ZC2HC1A: variants seen among roughly 807,000 people sequenced by gnomAD.
ZC2HC1A encodes the protein zinc finger C2HC domain-containing protein 1A.
In ZC2HC1A, 28 loss-of-function variants were observed where a neutral mutation model predicts 40.7. The observed-to-expected ratio is 0.69, with a 90% CI of 0.51 to 0.94. ZC2HC1A has a LOEUF of 0.94. Ranked by LOEUF, ZC2HC1A falls within the 40% of genes least tolerant of loss-of-function variation. ZC2HC1A has a pLI of 0.00. For missense variants in ZC2HC1A, 389 were observed against 386.3 expected, an observed-to-expected ratio of 1.01 and a Z score of -0.06; for synonymous variants, 129 against 129.2, an observed-to-expected ratio of 1.00 and a Z score of 0.01.
intron 4 of ZC2HC1A, among the ~76,000 whole-genome samples, chr8:78,687,550 T>TA (rs2130491093): frequency 7.0e-6 from 1 of 143,294 alleles, no homozygotes; most frequent in South Asian, 2.1e-4. Flanking sequence ...ATAATAAATT[T>TA]TATATTTACA....
rs1244108068 is a variant in ZC2HC1A, at chr8:78,719,101, C to T, written c.*1608C>T. The stretch of plus-strand genomic sequence containing the variant: ...AACAAAGAAACAAATAGTCCATCAA[C>T]TAAAATAAGCTGTAATGAATTTAGA... On this transcript the variant is annotated 3_prime_UTR_variant, in exon 9 of 9. Coordinates refer to ENST00000263849, the MANE Select transcript of ZC2HC1A (RefSeq NM_016010.3). The T allele has an allele frequency of 6.6e-6, 1 of 151,686 alleles. No homozygotes were observed. Among genetic ancestry groups the T allele is most frequent in the Non-Finnish European group, 1.5e-5 (1 of 67,648 alleles). The allele number at this position is 151,686 out of a possible 1,614,324, so 9.4% of individuals were successfully genotyped here.
At chr8:78,688,344 C>G (rs1013121443) in intron 4 of ZC2HC1A, among the ~76,000 whole-genome samples, 3 of 151,822 alleles carry the variant, frequency 2.0e-5, no homozygotes, top group Non-Finnish European at 4.4e-5. Flanking sequence ...ATCTTTTGGG[C>G]CTGACAAAAA....
intron 7 of ZC2HC1A, among the ~76,000 whole-genome samples, chr8:78,702,936 G>C (rs891327801): frequency 6.6e-6 from 1 of 151,886 alleles, no homozygotes; most frequent in Non-Finnish European, 1.5e-5. Flanking sequence ...TCACTCTGTC[G>C]CCCAGGCTAT....
At chr8:78,697,950 T>A (rs970787917) in intron 6 of ZC2HC1A, among the ~76,000 whole-genome samples, 4 of 152,200 alleles carry the variant, frequency 2.6e-5, no homozygotes, top group Admixed American at 2.0e-4. Context: ...AGTGCTGAGA[T>A]TACTGGCGTG....
Position 78,718,587 on chromosome 8 carries a change from A to T in ZC2HC1A, c.*1094A>T, listed in dbSNP as rs1205784002. Reference sequence around the variant, plus strand: ...CTCTTTTTTTCATCTTTAGCATTTAATGTTGAAACACCATTCACGTCACAT... The same window carrying T: ...CTCTTTTTTTCATCTTTAGCATTTATTGTTGAAACACCATTCACGTCACAT... On this transcript the variant is annotated 3_prime_UTR_variant, in exon 9 of 9. Transcript: ENST00000263849. 1.3e-5 allele frequency: 2 copies of T among 151,872 alleles called. No individual in the cohort carries two copies. Among genetic ancestry groups the T allele is most frequent in the Non-Finnish European group, 3.0e-5 (2 of 67,778 alleles). The allele number at this position is 151,872 out of a possible 1,614,324, so 9.4% of individuals were successfully genotyped here.
In ZC2HC1A at chr8:78,686,575, C is replaced by T; in HGVS notation, c.319C>T (p.Leu107Phe). The T allele has an allele frequency of 6.5e-7, 1 of 1,535,050 alleles. No individual in the cohort carries two copies. Among genetic ancestry groups the T allele is most frequent in the African/African-American group, 1.4e-5 (1 of 71,348 alleles). Residue 107 changes from leucine to phenylalanine, a missense_variant, in exon 4 of 9, where the codon CTT becomes TTT. By Grantham distance (22) the Leu-to-Phe change is conservative. Transcript: ENST00000263849. The part of the protein sequence containing the change: ...LDQALKEGGK[L>F]PPPPPPSYDP... ...TCAGGCCCTCAAAGAGGGTGGCAAA[C>T]TTCCTCCTCCTCCTCCACCTTCTTA...
intron 2 of ZC2HC1A, 92 bp downstream of exon 2, chr8:78,675,955 A>G: frequency 8.7e-7 from 1 of 1,148,448 alleles, no homozygotes; most frequent in Non-Finnish European, 1.3e-6. Flanking sequence ...TTTACGTGGA[A>G]TAGTTTTTGA....
chr8:78,675,376 C>G (rs1004128365), intron 1 of ZC2HC1A, among the ~76,000 whole-genome samples: 13 of 151,882 alleles, frequency 8.6e-5, no homozygotes, highest in Non-Finnish European at 1.8e-4. Flanking sequence ...TTCAAATCAT[C>G]TCAGGAAGTC....
intron 8 of ZC2HC1A, 88 bp downstream of exon 8, chr8:78,715,416 G>T (rs1811070287): frequency 1.6e-6 from 2 of 1,215,518 alleles, no homozygotes; most frequent in South Asian, 1.7e-5. Flanking sequence ...TAAGTAACAA[G>T]CTATTTATAG....
chr8:78,695,882 T>C (rs1563631478), intron 5 of ZC2HC1A, among the ~76,000 whole-genome samples: 1 of 152,230 alleles, frequency 6.6e-6, no homozygotes, highest in Non-Finnish European at 1.5e-5. Flanking sequence ...TTTAACTTTT[T>C]AAAAATTCAC....
chr8:78,698,544 G>T (rs1563633142), intron 7 of ZC2HC1A, 31 bp downstream of exon 7: 4 of 1,442,418 alleles, frequency 2.8e-6, no homozygotes, highest in South Asian at 2.5e-5. Context: ...ATTATTAGTG[G>T]TATATAATTA....
At chr8:78,674,662 C>T (rs1809523467) in intron 1 of ZC2HC1A, among the ~76,000 whole-genome samples, 1 of 152,122 alleles carries the variant, frequency 6.6e-6, no homozygotes, top group Non-Finnish European at 1.5e-5. Flanking sequence ...TAATCACTAT[C>T]CACCAGTCAA....
At chr8:78,717,251 G>A (rs2130621511) in intron 8 of ZC2HC1A, 77 bp from the exon 9 acceptor site, 2 of 1,323,572 alleles carry the variant, frequency 1.5e-6, no homozygotes, top group East Asian at 4.8e-5. Context: ...TTATATTTAT[G>A]TCCTGTTTCT....
intron 3 of ZC2HC1A, among the ~76,000 whole-genome samples, chr8:78,679,972 A>G (rs1809715153): frequency 6.6e-6 from 1 of 152,168 alleles, no homozygotes; most frequent in East Asian, 1.9e-4. Flanking sequence ...GCAGTGTAAT[A>G]TAGTGGGTGT....
At chr8:78,696,020 T>C (rs1810388707) in intron 5 of ZC2HC1A, among the ~76,000 whole-genome samples, 1 of 152,090 alleles carries the variant, frequency 6.6e-6, no homozygotes, top group African/African-American at 2.4e-5. Flanking sequence ...TTGAAAATGA[T>C]AATTTAAAAC....
chr8:78,681,575 T>A (rs1809779290), intron 3 of ZC2HC1A, among the ~76,000 whole-genome samples: 2 of 152,210 alleles, frequency 1.3e-5, no homozygotes, highest in South Asian at 4.1e-4. Flanking sequence ...TGGAAAGTTG[T>A]TTCGTTGTTT....
At chr8:78,687,564 TAAA>T (rs1810036591) in intron 4 of ZC2HC1A, among the ~76,000 whole-genome samples, 1 of 142,948 alleles carries the variant, frequency 7.0e-6, no homozygotes, top group Non-Finnish European at 1.5e-5. Flanking sequence ...ATTTACATAA[TAAA>T]TTATATATAT....
chr8:78,694,524 G>A (rs903374889), intron 5 of ZC2HC1A, among the ~76,000 whole-genome samples: 2 of 152,130 alleles, frequency 1.3e-5, no homozygotes, highest in Non-Finnish European at 2.9e-5. Context: ...AATTTATACA[G>A]CAAATCCATG....
At position 78,718,180 on chromosome 8, in the gene ZC2HC1A, T is replaced by G. The variant is rs577144505; in HGVS notation, c.*687T>G. On this transcript the variant is annotated 3_prime_UTR_variant, in exon 9 of 9. Transcript: ENST00000263849. Reference sequence around the variant, plus strand: ...TCTATCTTGTTCTATTTATAACTGATTTTTTTTAGTTCTGTATGTATTCGT... The same window carrying G: ...TCTATCTTGTTCTATTTATAACTGAGTTTTTTTAGTTCTGTATGTATTCGT... 3 of 152,018 alleles carry G rather than the reference T, an allele frequency of 2.0e-5. No individual in the cohort carries two copies. The East Asian group carries it at 5.8e-4, about 29-fold the overall frequency. 9.4% of individuals were successfully genotyped at this position (152,018 alleles called of 1,614,324 possible). A position where few individuals can be genotyped will look rare whatever the true frequency, so the allele number is the denominator to read the frequency against.
Sources: allele counts gnomAD v4.1 joint callset (sites outside exome capture counted in the v4.1 genomes callset), GRCh38; gene constraint gnomAD v4.1.1; transcripts MANE v1.5; gene names NCBI Gene and HGNC (gene_info 2026-07-23, HGNC 2026-07-21).